Variants in CTNND2 observed in about 807,000 individuals in gnomAD.
CTNND2 encodes the protein catenin delta 2, also known as catenin delta-2.
A neutral mutation model predicts 144.4 loss-of-function variants in CTNND2; 22 were observed. The observed-to-expected ratio is 0.15, with a 90% CI of 0.11 to 0.22. The LOEUF is 0.22. CTNND2 is among the 10% of genes least tolerant of loss of function. The pLI, the probability that CTNND2 is intolerant of heterozygous loss-of-function variation, is 1.00. For missense variants in CTNND2, 1,353 were observed against 1,618.8 expected (o/e 0.84, Z 2.82); for synonymous variants, 751 against 695.6 (o/e 1.08, Z -1.25).
chr5:11,692,482 C>G (rs896642202), intron 2 of CTNND2, among the ~76,000 whole-genome samples: 2 of 152,184 alleles, frequency 1.3e-5, no homozygotes, highest in African/African-American at 4.8e-5. Flanking sequence ...CAAAACAAAG[C>G]TTGGCAAGAG....
intron 18 of CTNND2, among the ~76,000 whole-genome samples, chr5:10,994,102 A>G (rs1395646463): frequency 6.6e-6 from 1 of 150,446 alleles, no homozygotes; most frequent in Non-Finnish European, 1.5e-5. Context: ...GAAGAATTTG[A>G]GCCTTCGAAA....
intron 9 of CTNND2, among the ~76,000 whole-genome samples, chr5:11,240,654 C>A (rs958801900): frequency 7.0e-6 from 1 of 143,878 alleles, no homozygotes; most frequent in Non-Finnish European, 1.5e-5. Context: ...TACCCAACAC[C>A]CAACACACTC....
chr5:11,809,767 G>A (rs1301783874), intron 1 of CTNND2, among the ~76,000 whole-genome samples: 1 of 152,182 alleles, frequency 6.6e-6, no homozygotes, highest in Non-Finnish European at 1.5e-5. Flanking sequence ...TGTAAACACT[G>A]ACTAGTCTCT....
chr5:11,049,830 T>A (rs1218784326), intron 16 of CTNND2, among the ~76,000 whole-genome samples: 1 of 152,072 alleles, frequency 6.6e-6, no homozygotes, highest in Non-Finnish European at 1.5e-5. Flanking sequence ...CTCCTGGGAG[T>A]TAGTAGTTTC....
rs1201242220 is a variant in CTNND2 at position 11,384,386 on chromosome 5, TTTA to T, written c.1177+276_1177+278del. 2 of 463,944 alleles carry T rather than the reference TTTA, an allele frequency of 4.3e-6. No individual in the cohort carries two copies. The highest frequency in any genetic ancestry group is 3.8e-6 in the Non-Finnish European group (1 of 263,152). 28.7% of individuals were successfully genotyped at this position (463,944 alleles called of 1,614,324 possible). A position where few individuals can be genotyped will look rare whatever the true frequency, so the allele number is the denominator to read the frequency against. On this transcript the variant is annotated intron_variant, in intron 7 of 21. Coordinates refer to ENST00000304623, the MANE Select transcript of CTNND2 (RefSeq NM_001332.4). The surrounding 1 kb of genome is among the most constrained non-coding windows in gnomAD (Gnocchi z 5.2). The stretch of plus-strand genomic sequence containing the variant: ...TGTGTCTTACTTTTATGAGTTAGTC[TTTA>T]GGCTGGGGAGAGGGCAGAGAGAGAA...
chr5:11,432,429 G>A (rs928094955), intron 3 of CTNND2, among the ~76,000 whole-genome samples: 2 of 152,086 alleles, frequency 1.3e-5, no homozygotes, highest in East Asian at 1.9e-4. Context: ...TGGCATGGCC[G>A]ATTTCTAACA....
chr5:11,110,550 C>T (rs1404914657), intron 14 of CTNND2, among the ~76,000 whole-genome samples: 1 of 152,146 alleles, frequency 6.6e-6, no homozygotes, highest in African/African-American at 2.4e-5. Context: ...TCCGACAATG[C>T]CCTAAGTAAA....
intron 1 of CTNND2, among the ~76,000 whole-genome samples, chr5:11,882,478 GA>G (rs1439124572): frequency 1.3e-5 from 2 of 149,472 alleles, no homozygotes; most frequent in Non-Finnish European, 3.0e-5. Flanking sequence ...AGTTTATACC[GA>G]AGAATCTCTC....
chr5:11,082,605 A>T, intron 16 of CTNND2, 91 bp downstream of exon 16: 1 of 1,441,930 alleles, frequency 6.9e-7, no homozygotes, highest in Non-Finnish European at 9.4e-7. Flanking sequence ...CTGTGTAAGC[A>T]TAGGCTATGC....
intron 7 of CTNND2, among the ~76,000 whole-genome samples, chr5:11,366,884 C>A (rs776097324): frequency 1.1e-4 from 17 of 152,110 alleles, no homozygotes; most frequent in Non-Finnish European, 2.2e-4. Context: ...TTATTACATG[C>A]ATTTATTTGG....
intron 1 of CTNND2, among the ~76,000 whole-genome samples, chr5:11,764,374 C>T (rs1789456366): frequency 1.3e-5 from 2 of 152,250 alleles, no homozygotes; most frequent in South Asian, 4.2e-4. Flanking sequence ...ACATTTGTGA[C>T]AATCTGTTAC....
intron 8 of CTNND2, among the ~76,000 whole-genome samples, chr5:11,352,881 A>T (rs1755468519): frequency 6.6e-6 from 1 of 152,192 alleles, no homozygotes; most frequent in South Asian, 2.1e-4. Flanking sequence ...TATAAAAATT[A>T]AAAATGTAAA....
intron 2 of CTNND2, among the ~76,000 whole-genome samples, chr5:11,618,469 A>C (rs1175598839): frequency 6.6e-6 from 1 of 152,238 alleles, no homozygotes; most frequent in Admixed American, 6.5e-5. Flanking sequence ...GCTTAGAACA[A>C]GCTGCTAATT....
chr5:11,637,843 C>T (rs1781794291), intron 2 of CTNND2, among the ~76,000 whole-genome samples: 1 of 152,114 alleles, frequency 6.6e-6, no homozygotes, highest in Non-Finnish European at 1.5e-5. Flanking sequence ...AGGTTTTAGA[C>T]ATCAACTAAT....
At chr5:11,415,698 G>T (rs372883636) in intron 3 of CTNND2, among the ~76,000 whole-genome samples, 1 of 151,900 alleles carries the variant, frequency 6.6e-6, no homozygotes, top group African/African-American at 2.4e-5. Flanking sequence ...TATGAGTGAG[G>T]GTGTCAATGA....
intron 3 of CTNND2, among the ~76,000 whole-genome samples, chr5:11,558,841 C>G (rs1231516159): frequency 6.6e-6 from 1 of 152,128 alleles, no homozygotes; most frequent in Non-Finnish European, 1.5e-5. Context: ...AACATCTAAG[C>G]CTGTTTCCTC....
intron 3 of CTNND2, 47 bp from the exon 4 acceptor site, chr5:11,412,116 A>T (rs373016677): frequency 3.4e-5 from 50 of 1,474,422 alleles, no homozygotes; most frequent in Non-Finnish European, 4.7e-5. Flanking sequence ...TTAGAAAAGA[A>T]AAATAAAACC....
At chr5:11,331,833 A>G (rs958659941) in intron 9 of CTNND2, among the ~76,000 whole-genome samples, 1 of 152,138 alleles carries the variant, frequency 6.6e-6, no homozygotes, top group Admixed American at 6.5e-5. Context: ...GATAAGAGGA[A>G]TAGGTTCTGG....
intron 2 of CTNND2, among the ~76,000 whole-genome samples, chr5:11,673,529 T>C (rs1331907235): frequency 6.6e-6 from 1 of 152,184 alleles, no homozygotes; most frequent in African/African-American, 2.4e-5. Flanking sequence ...GAGTTAAAAT[T>C]AATTTGTGAC....
Sources: gnomAD v4.1 joint callset for allele counts (sites outside exome capture counted in the v4.1 genomes callset) on GRCh38, gnomAD v4.1.1 for gene constraint, Gnocchi (gnomAD v3.1) non-coding constraint, MANE v1.5 for transcripts, NCBI Gene and HGNC (gene_info 2026-07-23, HGNC 2026-07-21) for gene names.